Variants in PEX6 observed in about 807,000 individuals in gnomAD.
PEX6 encodes the protein peroxisome biogenesis factor 6.
Under a neutral mutation model 85.6 loss-of-function variants are expected in PEX6, and 55 were observed. The ratio of observed to expected loss-of-function variants is 0.64; its 90% confidence interval spans 0.52 to 0.80. PEX6 has a LOEUF of 0.80. PEX6 is among the 30% of genes least tolerant of loss of function. The pLI is 0.00. For synonymous variants in PEX6, 519 were observed against 549.1 expected (o/e 0.95, Z 0.77); for missense variants, 1,099 against 1,260.3 (o/e 0.87, Z 1.94).
At chr6:42,977,653 G>C (rs1342266617) in intron 1 of PEX6, among the ~76,000 whole-genome samples, 1 of 150,494 alleles carries the variant, frequency 6.6e-6, no homozygotes, top group South Asian at 2.1e-4. Context: ...CGTGGCGCGA[G>C]CCAGTAGTAG....
At position 42,978,284 on chromosome 6, in the gene PEX6, T is replaced by TC. The variant is rs746927422; in HGVS notation, c.866dup (p.Glu290ArgfsTer15). Reference sequence around the variant, plus strand: ...TTTATCCTACCTGAATTCTGAGCTCTCCCATTTCCAGGGGGTCACAGCCAA... The same window carrying TC: ...TTTATCCTACCTGAATTCTGAGCTCTCCCCATTTCCAGGGGGTCACAGCCAA... On this transcript the variant is annotated frameshift_variant, in exon 1 of 17. Transcript: ENST00000304611. LOFTEE classifies it high-confidence loss of function. 1 of 1,613,970 alleles carries TC rather than the reference T, an allele frequency of 6.2e-7. No homozygotes were observed. The highest frequency in any genetic ancestry group is 1.1e-5 in the South Asian group (1 of 91,078).
intron 2 of PEX6, 64 bp from the exon 3 acceptor site, chr6:42,974,150 CAT>C: frequency 2.5e-6 from 3 of 1,219,642 alleles, no homozygotes; most frequent in African/African-American, 1.5e-5. Flanking sequence ...TTCATTACCA[CAT>C]GTCCACCCCC....
rs2150239605 is a variant in PEX6, at chr6:42,978,474, G to T, written c.677C>A (p.Ala226Asp). Residue 226 changes from alanine to aspartate, a missense_variant, in exon 1 of 17, where the codon GCC becomes GAC. Transcript: ENST00000304611. ...GLFQGEWVWV[A>D]QARESSNTSQ... is the part of the protein sequence containing the mutation. Reference sequence around the variant, plus strand: ...AGTGTTCGATGACTCTCTGGCCTGGGCCACCCACACCCATTCGCCCTGGAA... The same window carrying T: ...AGTGTTCGATGACTCTCTGGCCTGGTCCACCCACACCCATTCGCCCTGGAA... The T allele has an allele frequency of 6.2e-7, 1 of 1,614,158 alleles. No homozygotes were observed. The highest frequency in any genetic ancestry group is 8.5e-7 in the Non-Finnish European group (1 of 1,180,024).
chr6:42,974,020 ACTTCCTTCCAGGAT>A lies in PEX6; in HGVS notation c.1099_1112del (p.Ile367SerfsTer13). 1 of 1,613,826 alleles carries A rather than the reference ACTTCCTTCCAGGAT, an allele frequency of 6.2e-7. No homozygotes were observed. Among genetic ancestry groups the A allele is most frequent in the Non-Finnish European group, 8.5e-7 (1 of 1,179,718 alleles). ...CTGCATACCTGGGCAGTTTCTCTGG[ACTTCCTTCCAGGAT>A]CTCTACTTGCCCAATTGTTGGCACA... On this transcript the variant is annotated frameshift_variant, in exon 3 of 17. Coordinates refer to ENST00000304611, the MANE Select transcript of PEX6 (RefSeq NM_000287.4). LOFTEE classifies it high-confidence loss of function.
At position 42,964,969 on chromosome 6, in the gene PEX6, T is replaced by C. The variant is rs1460548958; in HGVS notation, c.2667-40A>G. Reference sequence around the variant, plus strand: ...AGGAAGAAACAGAGTTGGCATCACCTCCTCCCTCGAAAGCCAGTGCTGACC... The same window carrying C: ...AGGAAGAAACAGAGTTGGCATCACCCCCTCCCTCGAAAGCCAGTGCTGACC... On this transcript the variant is annotated intron_variant, in intron 15 of 16. Transcript: ENST00000304611. This position sits in a 1 kb window ranked among gnomAD's most constrained non-coding sequence, Gnocchi z 4.6. 3 of 1,613,996 alleles carry C rather than the reference T, an allele frequency of 1.9e-6. No homozygotes were observed. Among genetic ancestry groups the C allele is most frequent in the Non-Finnish European group, 2.5e-6 (3 of 1,179,946 alleles).
At position 42,966,417 on chromosome 6, in the gene PEX6, C is replaced by T. The variant is rs1254717257; in HGVS notation, c.2125G>A (p.Gly709Arg). The change falls in exon 11 of 17, where the codon GGG becomes AGG. Residue 709 changes from glycine (G) to arginine (R), a missense_variant. Gly to Arg is a moderately radical substitution (Grantham distance 125, BLOSUM62 -2). Around this residue, in one of 3 missense-constraint regions of PEX6, gnomAD observed 514 missense variants for 627.0 expected, o/e 0.82. Coordinates refer to ENST00000304611, the MANE Select transcript of PEX6 (RefSeq NM_000287.4). ...IPSVSWHDVG[G>R]LQEVKKEILE... ...ATCTCCTTCTTCACCTCCTGCAGCC[C>T]ACCCACATCATGCCAGGACACTGAG... The T allele has an allele frequency of 1.2e-6, 2 of 1,614,178 alleles. No homozygotes were observed. Among genetic ancestry groups the T allele is most frequent in the Non-Finnish European group, 1.7e-6 (2 of 1,180,026 alleles).
At position 42,978,508 on chromosome 6, in the gene PEX6, G is replaced by C. The variant is rs865933425; in HGVS notation, c.643C>G (p.Leu215Val). 6.2e-7 allele frequency: 1 copy of C among 1,614,160 alleles called. No homozygotes were observed. Among genetic ancestry groups the C allele is most frequent in the African/African-American group, 1.3e-5 (1 of 75,050 alleles). ...ACCCATTCGCCCTGGAAGAGGCCAA[G>C]GCCACGGAGACAGCTCCGGCTCACC... The part of the protein sequence containing the change: ...LGVSRSCLRG[L>V]GLFQGEWVWV... The change falls in exon 1 of 17, where the codon CTT becomes GTT. Residue 215 changes from leucine (L) to valine (V), a missense_variant. By Grantham distance (32) the Leu-to-Val change is conservative (BLOSUM62 1). Transcript: ENST00000304611.
chr6:42,978,289 T>G lies in PEX6; in HGVS notation c.862A>C (p.Met288Leu). 1.9e-6 allele frequency: 3 copies of G among 1,614,172 alleles called. No individual in the cohort carries two copies. The highest frequency in any genetic ancestry group is 2.5e-6 in the Non-Finnish European group (3 of 1,180,030). Residue 288 changes from methionine (M) to leucine (L), a missense_variant, in exon 1 of 17, where the codon ATG becomes CTG. By Grantham distance (15) the Met-to-Leu change is conservative. This residue lies in a region of PEX6 where 579 missense variants were observed against 611.6 expected (regional missense o/e 0.95). Transcript: ENST00000304611. Reference sequence around the variant, plus strand: ...CCTACCTGAATTCTGAGCTCTCCCATTTCCAGGGGGTCACAGCCAAGATTA... The same window carrying G: ...CCTACCTGAATTCTGAGCTCTCCCAGTTCCAGGGGGTCACAGCCAAGATTA... ...AFNLGCDPLEMGELRIQRYLE... is the reference protein window; with the variant it reads ...AFNLGCDPLELGELRIQRYLE...
chr6:42,964,608 A>T lies in PEX6; in HGVS notation c.2807-137T>A. The stretch of plus-strand genomic sequence containing the variant: ...TCCAGGACTAGGTTTGTCTCCCACT[A>T]GTTTTTTTTTTCCCTTAAACATTTT... On this transcript the variant is annotated intron_variant, in intron 16 of 16. Coordinates refer to ENST00000304611, the MANE Select transcript of PEX6 (RefSeq NM_000287.4). This position sits in a 1 kb window ranked among gnomAD's most constrained non-coding sequence, Gnocchi z 4.6. 1 of 1,287,798 alleles carries T rather than the reference A, an allele frequency of 7.8e-7. No homozygotes were observed. Among genetic ancestry groups the T allele is most frequent in the Non-Finnish European group, 1.1e-6 (1 of 910,238 alleles). 79.8% of individuals were successfully genotyped at this position (1,287,798 alleles called of 1,614,324 possible).
At chr6:42,968,581 A>G in intron 6 of PEX6, 83 bp from the exon 7 acceptor site, 1 of 1,250,648 alleles carries the variant, frequency 8.0e-7, no homozygotes, top group Non-Finnish European at 1.1e-6. Flanking sequence ...GAGGTGGAAG[A>G]TGTGGGCCAT....
chr6:42,967,265 G>T, intron 8 of PEX6, 103 bp downstream of exon 8: 1 of 1,179,880 alleles, frequency 8.5e-7, no homozygotes, highest in Non-Finnish European at 1.2e-6. Flanking sequence ...CACGGCGCCC[G>T]CGCTGGGTTT....
chr6:42,974,116 C>A, intron 2 of PEX6, 30 bp from the exon 3 acceptor site: 1 of 1,546,362 alleles, frequency 6.5e-7, no homozygotes, highest in South Asian at 1.1e-5. Flanking sequence ...CTGGTCAGGT[C>A]ACAATGGGAG....
In PEX6 at chr6:42,969,709, C is replaced by T. The variant is rs753300241; in HGVS notation, c.1326G>A (p.Val442=). Residue 442 remains valine (V), a synonymous_variant, in exon 5 of 17, where the codon GTG becomes GTA. Coordinates refer to ENST00000304611, the MANE Select transcript of PEX6 (RefSeq NM_000287.4). ...GCTTCAGGACAGCACAGAGTTCAGACACCAAGGCCTCCAGGCCTGGAGGAG... is the reference window on the plus strand; with the variant it reads ...GCTTCAGGACAGCACAGAGTTCAGATACCAAGGCCTCCAGGCCTGGAGGAG... ...SLSPPGLEAL[V]SELCAVLKPR... The T allele has an allele frequency of 5.0e-6, 8 of 1,613,382 alleles. No individual in the cohort carries two copies. The South Asian group carries it at 6.6e-5, about 13-fold the overall frequency.
In PEX6 at chr6:42,969,762, C is replaced by G; in HGVS notation, c.1273G>C (p.Glu425Gln). The G allele has an allele frequency of 6.2e-7, 1 of 1,613,942 alleles. No homozygotes were observed. Among genetic ancestry groups the G allele is most frequent in the Non-Finnish European group, 8.5e-7 (1 of 1,180,012 alleles). The change falls in exon 5 of 17, where the codon GAG becomes CAG. Residue 425 changes from glutamate (E) to glutamine (Q), a missense_variant. This residue lies in a region of PEX6 where 579 missense variants were observed against 611.6 expected (regional missense o/e 0.95). Transcript: ENST00000304611. Reference protein sequence around the residue: ...TLSPVPWLPSEESTLWSSLSP... With the variant: ...TLSPVPWLPSQESTLWSSLSP... ...AAACTGCTCCAGAGAGTGGATTCCT[C>G]TGAAGGGAGCCATGGAACAGGGCTC...
In PEX6 at chr6:42,968,941, G is replaced by A; in HGVS notation, c.1412C>T (p.Pro471Leu). Residue 471 changes from proline (P) to leucine (L), a missense_variant, in exon 6 of 17, where the codon CCC (proline) becomes CTC (leucine). By Grantham distance (98) the Pro-to-Leu change is moderately conservative. Around this residue, in one of 3 missense-constraint regions of PEX6, gnomAD observed 579 missense variants for 611.6 expected, o/e 0.95. Coordinates refer to ENST00000304611, the MANE Select transcript of PEX6 (RefSeq NM_000287.4). ...TACTGTGGTCTTCCCACAGCCTGGG[G>A]GGCCCCGTAGAAGGACACTGCTAGT... ...TGTSSVLLRG[P>L]PGCGKTTVVA... 2.5e-6 allele frequency: 4 copies of A among 1,614,080 alleles called. No homozygotes were observed. The highest frequency in any genetic ancestry group is 1.1e-5 in the South Asian group (1 of 91,086).
At chr6:42,976,976 A>G (rs1350691066) in intron 1 of PEX6, among the ~76,000 whole-genome samples, 1 of 152,174 alleles carries the variant, frequency 6.6e-6, no homozygotes, top group Non-Finnish European at 1.5e-5. Context: ...AAAAAGATAG[A>G]AAATGCTATA....
chr6:42,968,545 C>A (rs754774483), intron 6 of PEX6, 47 bp from the exon 7 acceptor site: 1 of 1,485,654 alleles, frequency 6.7e-7, no homozygotes, highest in South Asian at 1.2e-5. Context: ...GAAAGCATGA[C>A]AAGGGCAGGA....
rs1025649053 is a variant in PEX6 at position 42,964,635 on chromosome 6, T to C, written c.2806+155A>G. ...TTTTTTTTTTCCCTTAAACATTTTTTTTAGAGTTGGGGTCTCTCTGTGTTG... is the reference window on the plus strand; with the variant it reads ...TTTTTTTTTTCCCTTAAACATTTTTCTTAGAGTTGGGGTCTCTCTGTGTTG... On this transcript the variant is annotated intron_variant, in intron 16 of 16. Coordinates refer to ENST00000304611, the MANE Select transcript of PEX6 (RefSeq NM_000287.4). The surrounding 1 kb of genome is among the most constrained non-coding windows in gnomAD (Gnocchi z 4.6). Among the ~76,000 whole-genome samples the C allele has an allele frequency of 8.5e-5, 13 of 152,136 alleles. No homozygotes were observed.
Position 42,965,320 on chromosome 6 carries a change from C to G in PEX6, c.2520G>C (p.Gln840His). 1 of 1,614,206 alleles carries G rather than the reference C, an allele frequency of 6.2e-7. No homozygotes were observed. Among genetic ancestry groups the G allele is most frequent in the Non-Finnish European group, 8.5e-7 (1 of 1,180,038 alleles). Reference sequence around the variant, plus strand: ...TGGTGGCTCCAATCACAAACACATCCTGAGTGCTGTGCAGCCCATCTAGCT... The same window carrying G: ...TGGTGGCTCCAATCACAAACACATCGTGAGTGCTGTGCAGCCCATCTAGCT... ...LAELDGLHST[Q>H]DVFVIGATNR... is the part of the protein sequence containing the mutation. The change falls in exon 14 of 17, where the codon CAG becomes CAC. Residue 840 changes from glutamine (Q) to histidine (H), a missense_variant. Physicochemically the swap from Gln to His is conservative, Grantham distance 24. Transcript: ENST00000304611. The surrounding 1 kb of genome is among the most constrained non-coding windows in gnomAD (Gnocchi z 5.0).
Sources: allele counts gnomAD v4.1 joint callset (sites outside exome capture counted in the v4.1 genomes callset), GRCh38; gene constraint gnomAD v4.1.1; regional missense constraint gnomAD v4.1.1; non-coding constraint Gnocchi (gnomAD v3.1); transcripts MANE v1.5; gene names NCBI Gene and HGNC (gene_info 2026-07-23, HGNC 2026-07-21).